BBX: variants seen among roughly 807,000 people sequenced by gnomAD.
BBX encodes HMG box transcription factor BBX.
BBX carries 30 observed loss-of-function variants against 100.2 expected under a neutral mutation model. That is an observed-to-expected ratio of 0.30 (90% CI 0.22 to 0.41). The LOEUF (loss-of-function observed/expected upper bound fraction) is 0.41. Among genes scored for constraint, BBX ranks in the 10% least tolerant of loss-of-function variants. The probability of loss-of-function intolerance (pLI) is 1.00; values close to 1 mark genes in which losing one functional copy is unlikely to be tolerated. For missense variants in BBX, 1,023 were observed against 1,129.8 expected (o/e 0.91, Z 1.35); for synonymous variants, 376 against 388.1 (o/e 0.97, Z 0.37).
chr3:107,579,148 A>G (rs973336545), intron 2 of BBX, among the ~76,000 whole-genome samples: 1 of 152,082 alleles, frequency 6.6e-6, no homozygotes, highest in Non-Finnish European at 1.5e-5. Flanking sequence ...CTAGTTGTTG[A>G]GGTGAGCTCC....
At chr3:107,767,111 T>C (rs1265395050) in intron 10 of BBX, among the ~76,000 whole-genome samples, 1 of 152,124 alleles carries the variant, frequency 6.6e-6, no homozygotes, top group Non-Finnish European at 1.5e-5. Flanking sequence ...AGATGATAGG[T>C]TTATGTTGCA....
chr3:107,555,070 AAAC>A (rs77709627), intron 2 of BBX, among the ~76,000 whole-genome samples: 15,153 of 150,990 alleles, frequency 0.1, 869 homozygotes, highest in Non-Finnish European at 0.12. Context: ...CTCCGTCTCA[AAAC>A]AACAACAACA....
chr3:107,719,098 A>C (rs1342531689), intron 5 of BBX, among the ~76,000 whole-genome samples: 1 of 152,060 alleles, frequency 6.6e-6, no homozygotes, highest in African/African-American at 2.4e-5. Context: ...AAGTGCCTTC[A>C]ATTTAACCAG....
chr3:107,703,457 C>G (rs993110638), intron 3 of BBX, among the ~76,000 whole-genome samples: 1 of 152,082 alleles, frequency 6.6e-6, no homozygotes, highest in Admixed American at 6.5e-5. Flanking sequence ...GGCTAAGTGT[C>G]GTGGAGTGCA....
Position 107,762,219 on chromosome 3 carries a change from G to C in BBX, c.906+6541G>C, listed in dbSNP as rs865991021. 3.3e-5 allele frequency among the ~76,000 whole-genome samples: 5 copies of C among 152,252 alleles called. No homozygotes were observed. The South Asian group carries it at 6.2e-4, about 19-fold the overall frequency. On this transcript the variant is annotated intron_variant, in intron 10 of 17. Coordinates refer to ENST00000325805, the MANE Select transcript of BBX (RefSeq NM_001142568.3). ...TCTTTGGGGGAAGACTTTAGTAGAT[G>C]GGCTTATGGAGGAAAGGCCACCTCC... is the stretch of plus-strand genomic sequence containing the variant.
At chr3:107,578,639 A>C (rs1287830787) in intron 2 of BBX, among the ~76,000 whole-genome samples, 2 of 152,258 alleles carry the variant, frequency 1.3e-5, no homozygotes, top group South Asian at 2.1e-4. Flanking sequence ...TAAAGAGCAG[A>C]GGGGCTCGTG....
intron 2 of BBX, among the ~76,000 whole-genome samples, chr3:107,581,184 G>A (rs2052251014): frequency 6.6e-6 from 1 of 152,158 alleles, no homozygotes; most frequent in South Asian, 2.1e-4. Context: ...GCCTTAAAAT[G>A]TCTTTGATCA....
intron 5 of BBX, among the ~76,000 whole-genome samples, chr3:107,726,425 C>T (rs147498380): frequency 3.5e-4 from 53 of 151,142 alleles, no homozygotes; most frequent in Middle Eastern, 6.8e-3. Context: ...TTATTCTGTT[C>T]TCTATCTCTC....
chr3:107,617,510 T>C (rs1015713542), intron 2 of BBX, among the ~76,000 whole-genome samples: 1 of 152,188 alleles, frequency 6.6e-6, no homozygotes, highest in African/African-American at 2.4e-5. Context: ...TCATGAACAC[T>C]GTATGTCTCT....
chr3:107,593,447 G>C (rs1374270705), intron 2 of BBX, among the ~76,000 whole-genome samples: 1 of 152,202 alleles, frequency 6.6e-6, no homozygotes, highest in Non-Finnish European at 1.5e-5. Context: ...TAGGCTTCTA[G>C]AGTAAGTTCA....
chr3:107,780,577 T>C (rs2067772814), intron 13 of BBX, among the ~76,000 whole-genome samples: 1 of 152,094 alleles, frequency 6.6e-6, no homozygotes, highest in Non-Finnish European at 1.5e-5. Flanking sequence ...CTGGTTCTTA[T>C]ATAGTATATC....
chr3:107,672,950 T>C (rs182699954), intron 3 of BBX, among the ~76,000 whole-genome samples: 1 of 152,214 alleles, frequency 6.6e-6, no homozygotes, highest in East Asian at 1.9e-4. Context: ...CATGGATGAC[T>C]TTGTACTAGC....
Position 107,532,104 on chromosome 3 carries a change from G to A in BBX, c.-84+5706G>A, listed in dbSNP as rs1359209766. Reference sequence around the variant, plus strand: ...CAGCTACTCGGAGGCTGAGGTGGGAGGATCACTTGAGCCCGCACGGTTGAG... The same window carrying A: ...CAGCTACTCGGAGGCTGAGGTGGGAAGATCACTTGAGCCCGCACGGTTGAG... On this transcript the variant is annotated intron_variant, in intron 2 of 17. Coordinates refer to ENST00000325805, the MANE Select transcript of BBX (RefSeq NM_001142568.3). 2.0e-5 allele frequency among the ~76,000 whole-genome samples: 3 copies of A among 152,014 alleles called. No individual in the cohort carries two copies. In the East Asian group the frequency reaches 5.8e-4, roughly 29 times the overall value.
intron 2 of BBX, among the ~76,000 whole-genome samples, chr3:107,632,604 C>T (rs1337987824): frequency 2.0e-5 from 3 of 152,046 alleles, no homozygotes; most frequent in African/African-American, 7.2e-5. Flanking sequence ...AAGAGCTCAC[C>T]TGTTATCAAA....
intron 2 of BBX, among the ~76,000 whole-genome samples, chr3:107,637,775 A>G (rs975861577): frequency 3.9e-5 from 6 of 152,058 alleles, no homozygotes; most frequent in African/African-American, 1.4e-4. Flanking sequence ...AGTCACTTAA[A>G]CTTTCTGGGT....
chr3:107,534,584 GA>G (rs2048367335), intron 2 of BBX, among the ~76,000 whole-genome samples: 1 of 152,108 alleles, frequency 6.6e-6, no homozygotes, highest in Non-Finnish European at 1.5e-5. Context: ...TGGGAATAGG[GA>G]GTTGAGCTTT....
intron 2 of BBX, among the ~76,000 whole-genome samples, chr3:107,637,792 T>G (rs1313646719): frequency 1.3e-5 from 2 of 152,196 alleles, no homozygotes; most frequent in African/African-American, 2.4e-5. Flanking sequence ...GGGTCCTACT[T>G]GGCGTCAGCT....
intron 3 of BBX, among the ~76,000 whole-genome samples, chr3:107,706,204 A>G (rs1345642165): frequency 2.0e-5 from 3 of 151,926 alleles, no homozygotes; most frequent in Non-Finnish European, 4.4e-5. Flanking sequence ...TTGTATTGTT[A>G]GTAGAAACAG....
intron 3 of BBX, among the ~76,000 whole-genome samples, chr3:107,675,271 T>G (rs1169326462): frequency 1.3e-5 from 2 of 152,152 alleles, no homozygotes; most frequent in Non-Finnish European, 2.9e-5. Flanking sequence ...TCAGAGCTTT[T>G]CTTCTCAGAT....
Sources: allele counts gnomAD v4.1 joint callset (sites outside exome capture counted in the v4.1 genomes callset), GRCh38; gene constraint gnomAD v4.1.1; transcripts MANE v1.5; gene names NCBI Gene and HGNC (gene_info 2026-07-23, HGNC 2026-07-21).